The following LINGO2 variants were observed in gnomAD, a reference collection of about 807,000 sequenced individuals.
LINGO2 encodes leucine-rich repeat and immunoglobulin-like domain-containing nogo receptor-interacting protein 2.
In LINGO2, 14 loss-of-function variants were observed where a neutral mutation model predicts 30.6. The ratio of observed to expected loss-of-function variants is 0.46; its 90% CI spans 0.30 to 0.72. The LOEUF (loss-of-function observed/expected upper bound fraction) is 0.72. Ranked by LOEUF, LINGO2 falls within the 30% of genes least tolerant of loss-of-function variation. LINGO2 has a pLI of 0.07. For missense variants in LINGO2, 729 were observed against 751.7 expected (o/e 0.97, Z 0.35); for synonymous variants, 317 against 288.5 (o/e 1.10, Z -1.00).
chr9:29,095,471 A>G, the LINGO2 span, among the ~76,000 whole-genome samples: 2 of 138,112 alleles, frequency 1.4e-5, 1 homozygote, highest in African/African-American at 5.4e-5. Flanking sequence ...AACACCTGAA[A>G]CACAATAGGT....
At chr9:28,832,376 G>C in the LINGO2 span, among the ~76,000 whole-genome samples, 1 of 152,092 alleles carries the variant, frequency 6.6e-6, no homozygotes, top group East Asian at 1.9e-4. Flanking sequence ...TGCAACTTAT[G>C]TTTCTTATTA....
chr9:28,754,108 C>T, the LINGO2 span, among the ~76,000 whole-genome samples: 44 of 151,802 alleles, frequency 2.9e-4, no homozygotes, highest in Admixed American at 9.2e-4. Flanking sequence ...CAGCATATTT[C>T]CCAAGTATAC....
chr9:28,209,313 T>C (rs975630043), intron 4 of LINGO2, among the ~76,000 whole-genome samples: 2 of 152,040 alleles, frequency 1.3e-5, no homozygotes, highest in African/African-American at 2.4e-5. Context: ...CAGACTTGTA[T>C]GTATCATTCA....
the LINGO2 span, among the ~76,000 whole-genome samples, chr9:29,004,222 TTTC>T: frequency 2.6e-5 from 4 of 152,022 alleles, no homozygotes; most frequent in Non-Finnish European, 5.9e-5. Flanking sequence ...ATATGTGATA[TTTC>T]TCTCTCTCTT....
chr9:28,028,254 AC>A (rs765289248), intron 4 of LINGO2, among the ~76,000 whole-genome samples: 7 of 152,172 alleles, frequency 4.6e-5, no homozygotes, highest in African/African-American at 7.2e-5. Context: ...AGGTTGGTAG[AC>A]TTTTAACATA....
chr9:28,572,857 T>C (rs1210465828), intron 1 of LINGO2, among the ~76,000 whole-genome samples: 1 of 152,158 alleles, frequency 6.6e-6, no homozygotes, highest in Admixed American at 6.6e-5. Flanking sequence ...AGAAATTCAC[T>C]GTAACAGTGC....
At chr9:28,676,383 T>TA in the LINGO2 span, among the ~76,000 whole-genome samples, 13 of 151,716 alleles carry the variant, frequency 8.6e-5, no homozygotes, top group African/African-American at 2.9e-4. Context: ...TTTTCCAACT[T>TA]AAAAAAAAGC....
At chr9:28,100,918 C>T (rs1826396146) in intron 4 of LINGO2, among the ~76,000 whole-genome samples, 1 of 152,054 alleles carries the variant, frequency 6.6e-6, no homozygotes, top group Non-Finnish European at 1.5e-5. Context: ...TACATTTTGG[C>T]AGTGTATTTT....
At chr9:28,787,074 T>G in the LINGO2 span, among the ~76,000 whole-genome samples, 1 of 152,166 alleles carries the variant, frequency 6.6e-6, no homozygotes, top group Non-Finnish European at 1.5e-5. Flanking sequence ...GTACTTTTGC[T>G]TAATCACCAG....
At chr9:28,764,118 T>G in the LINGO2 span, among the ~76,000 whole-genome samples, 2 of 148,506 alleles carry the variant, frequency 1.3e-5, no homozygotes, top group Admixed American at 1.3e-4. Context: ...TAATACCAAT[T>G]CTTGAACTCT....
At chr9:28,218,165 CTAAA>C (rs35654413) in intron 4 of LINGO2, among the ~76,000 whole-genome samples, 4,247 of 148,948 alleles carry the variant, frequency 0.029, 183 homozygotes, top group African/African-American at 0.097. Flanking sequence ...TCAAATAATA[CTAAA>C]TATAGTATCA....
the LINGO2 span, among the ~76,000 whole-genome samples, chr9:28,753,749 G>A: frequency 6.6e-6 from 1 of 151,966 alleles, no homozygotes; most frequent in Non-Finnish European, 1.5e-5. Flanking sequence ...AGAGAGCTGT[G>A]TCACTGAACT....
intron 1 of LINGO2, among the ~76,000 whole-genome samples, chr9:28,506,617 T>A: frequency 9.6e-5 from 1 of 10,368 alleles, no homozygotes; most frequent in Admixed American, 1.7e-3. Flanking sequence ...ATATGAATTG[T>A]CTCATAACAT....
chr9:28,654,781 T>C (rs991974631), intron 1 of LINGO2, among the ~76,000 whole-genome samples: 11 of 152,124 alleles, frequency 7.2e-5, no homozygotes, highest in Non-Finnish European at 1.0e-4. Context: ...GTCAGTCGTC[T>C]AGTCAGTAAA....
intron 3 of LINGO2, among the ~76,000 whole-genome samples, chr9:28,296,023 G>A (rs1257366130): frequency 6.6e-6 from 1 of 152,154 alleles, no homozygotes; most frequent in African/African-American, 2.4e-5. Context: ...ATGCATTGTA[G>A]CCAGAGTGGG....
At chr9:29,116,192 A>G in the LINGO2 span, among the ~76,000 whole-genome samples, 1 of 151,968 alleles carries the variant, frequency 6.6e-6, no homozygotes, top group Non-Finnish European at 1.5e-5. Context: ...CATATTTAAC[A>G]ATTTGTTTCT....
chr9:27,944,668 A>G (rs1369417653), downstream of LINGO2, among the ~76,000 whole-genome samples: 2 of 152,178 alleles, frequency 1.3e-5, no homozygotes, highest in African/African-American at 4.8e-5. Context: ...TGGAAAATCA[A>G]TGGAAATAAC....
intron 4 of LINGO2, among the ~76,000 whole-genome samples, chr9:28,273,965 T>A (rs533020901): frequency 6.6e-6 from 1 of 152,178 alleles, no homozygotes; most frequent in African/African-American, 2.4e-5. Context: ...TTCCTCCAGA[T>A]AGAAAGCCAC....
the LINGO2 span, among the ~76,000 whole-genome samples, chr9:29,042,802 A>T: frequency 1.3e-5 from 2 of 151,954 alleles, no homozygotes. Flanking sequence ...TGAGGGGATT[A>T]TGCTGAGTGA....
Sources: allele counts gnomAD v4.1 joint callset (sites outside exome capture counted in the v4.1 genomes callset), GRCh38; gene constraint gnomAD v4.1.1; transcripts MANE v1.5; gene names NCBI Gene and HGNC (gene_info 2026-07-23, HGNC 2026-07-21).